MALRD1: variants seen among roughly 807,000 people sequenced by gnomAD.
The protein encoded by MALRD1 is MAM and LDL-receptor class A domain-containing protein 1.
Under a neutral mutation model 242.1 loss-of-function variants are expected in MALRD1, and 247 were observed. The observed-to-expected ratio is 1.02, with a 90% CI of 0.92 to 1.13. The LOEUF is 1.13. Among genes scored for constraint, MALRD1 ranks in the 50% most tolerant of loss-of-function variants. The pLI, the probability that MALRD1 is intolerant of heterozygous loss-of-function variation, is 0.00. For synonymous variants in MALRD1, 995 were observed against 866.6 expected, an observed-to-expected ratio of 1.15 and a Z score of -2.60; for missense variants, 2,989 against 2,533.1, an observed-to-expected ratio of 1.18 and a Z score of -3.86.
chr10:19,337,112 A>G (rs1176488931), intron 24 of MALRD1, among the ~76,000 whole-genome samples: 4 of 152,154 alleles, frequency 2.6e-5, no homozygotes, highest in Non-Finnish European at 5.9e-5. Context: ...AAACTTACAC[A>G]TATGTATATG....
intron 21 of MALRD1, among the ~76,000 whole-genome samples, chr10:19,319,070 G>A (rs573132263): frequency 2.6e-5 from 4 of 151,830 alleles, no homozygotes; most frequent in South Asian, 4.2e-4. Context: ...TTCATTTAAC[G>A]TGATACAAAT....
At chr10:19,145,116 G>A (rs574783232) in intron 10 of MALRD1, among the ~76,000 whole-genome samples, 5 of 152,250 alleles carry the variant, frequency 3.3e-5, no homozygotes, top group Admixed American at 6.5e-5. Context: ...TTAGGAAAAC[G>A]AAATTTAAGC....
rs35922631 is a variant in MALRD1, at chr10:19,190,658, ATTT to A, written c.1952-13055_1952-13053del. 9.9e-3 allele frequency among the ~76,000 whole-genome samples: 1,443 copies of A among 145,108 alleles called. 16 individuals carry two copies. Among genetic ancestry groups the A allele is most frequent in the African/African-American group, 0.031 (1,225 of 39,038 alleles). On this transcript the variant is annotated intron_variant, in intron 14 of 39. Transcript: ENST00000454679. The stretch of plus-strand genomic sequence containing the variant: ...AAACCCTCACATATATGAACAAGTG[ATTT>A]TTTTTTTTTTTTTTGGCAAAGGTAC...
intron 36 of MALRD1, among the ~76,000 whole-genome samples, chr10:19,638,470 C>T (rs572561514): frequency 1.3e-5 from 2 of 152,098 alleles, no homozygotes; most frequent in East Asian, 1.9e-4. Flanking sequence ...TTTAGAATTA[C>T]TAATTGAGTA....
At chr10:19,266,292 C>T (rs1839973817) in intron 19 of MALRD1, among the ~76,000 whole-genome samples, 1 of 151,596 alleles carries the variant, frequency 6.6e-6, no homozygotes, top group South Asian at 2.1e-4. Context: ...TCTTTTGTTT[C>T]TTTCTCTCTT....
intron 36 of MALRD1, among the ~76,000 whole-genome samples, chr10:19,623,354 T>C (rs1839492392): frequency 2.0e-5 from 3 of 152,104 alleles, no homozygotes; most frequent in Admixed American, 1.3e-4. Context: ...AAATTCATTT[T>C]AAAATATAGA....
chr10:19,424,423 G>C (rs193037127), intron 28 of MALRD1, among the ~76,000 whole-genome samples: 29 of 152,284 alleles, frequency 1.9e-4, no homozygotes, highest in African/African-American at 6.7e-4. Flanking sequence ...GCCTCCCAAA[G>C]TTCTGGGATC....
At chr10:19,719,189 T>TATATAC (rs1317498264) in intron 38 of MALRD1, among the ~76,000 whole-genome samples, 1 of 36,686 alleles carries the variant, frequency 2.7e-5, no homozygotes, top group African/African-American at 1.4e-4. Flanking sequence ...TATATATATA[T>TATATAC]ACATACATAT....
chr10:19,732,518 C>T (rs1230265810), intron 39 of MALRD1, among the ~76,000 whole-genome samples: 1 of 152,166 alleles, frequency 6.6e-6, no homozygotes, highest in African/African-American at 2.4e-5. Flanking sequence ...CTTCCTTGGC[C>T]TCCCAAAGTG....
chr10:19,123,333 G>A (rs1362372040), intron 5 of MALRD1, among the ~76,000 whole-genome samples, 159 bp from the exon 6 acceptor site: 1 of 152,014 alleles, frequency 6.6e-6, no homozygotes, highest in Non-Finnish European at 1.5e-5. Context: ...GTGAGAGAGA[G>A]AGAGAGAAAG....
At chr10:19,390,838 G>A (rs377144009) in intron 28 of MALRD1, among the ~76,000 whole-genome samples, 1 of 152,106 alleles carries the variant, frequency 6.6e-6, no homozygotes, top group Non-Finnish European at 1.5e-5. Context: ...CTATAATGAT[G>A]CAGAAAACTC....
intron 33 of MALRD1, among the ~76,000 whole-genome samples, chr10:19,581,217 AT>A: frequency 6.6e-6 from 1 of 151,502 alleles, no homozygotes; most frequent in Admixed American, 6.6e-5. Context: ...TTATTTATTT[AT>A]TTATTTATTT....
At chr10:19,101,955 T>C (rs926240008) in intron 4 of MALRD1, among the ~76,000 whole-genome samples, 6 of 128,348 alleles carry the variant, frequency 4.7e-5, no homozygotes, top group Non-Finnish European at 9.6e-5. Flanking sequence ...TATCTGTATC[T>C]ATATAATATA....
At chr10:19,667,088 G>A (rs1235867750) in intron 36 of MALRD1, among the ~76,000 whole-genome samples, 1 of 152,106 alleles carries the variant, frequency 6.6e-6, no homozygotes, top group Non-Finnish European at 1.5e-5. Context: ...AACTCCAGCT[G>A]CACCCCAGAA....
At chr10:19,615,805 C>A in intron 35 of MALRD1, 52 bp from the exon 36 acceptor site, 1 of 1,278,376 alleles carries the variant, frequency 7.8e-7, no homozygotes, top group East Asian at 2.6e-5. Context: ...TCTTCTTCTT[C>A]CTCCTAATAC....
At chr10:19,612,293 G>T (rs1410726565) in intron 35 of MALRD1, among the ~76,000 whole-genome samples, 1 of 151,844 alleles carries the variant, frequency 6.6e-6, no homozygotes, top group South Asian at 2.1e-4. Flanking sequence ...AGAGGAGCAT[G>T]CCCCCCAGTC....
intron 33 of MALRD1, among the ~76,000 whole-genome samples, chr10:19,585,999 T>G (rs1837374081): frequency 6.6e-6 from 1 of 152,214 alleles, no homozygotes; most frequent in East Asian, 1.9e-4. Context: ...CTGATACCCT[T>G]TCTTCCAGTT....
chr10:19,138,579 C>A (rs746227338), intron 10 of MALRD1, among the ~76,000 whole-genome samples: 3 of 151,932 alleles, frequency 2.0e-5, no homozygotes, highest in Non-Finnish European at 4.4e-5. Context: ...TGCCACCATA[C>A]CCAGATAATT....
At chr10:19,170,706 G>A (rs896637351) in intron 13 of MALRD1, among the ~76,000 whole-genome samples, 1 of 152,108 alleles carries the variant, frequency 6.6e-6, no homozygotes, top group African/African-American at 2.4e-5. Context: ...TTTCATTAGA[G>A]AGATGCAGGA....
Sources: allele counts gnomAD v4.1 joint callset (sites outside exome capture counted in the v4.1 genomes callset), GRCh38; gene constraint gnomAD v4.1.1; transcripts MANE v1.5; gene names NCBI Gene and HGNC (gene_info 2026-07-23, HGNC 2026-07-21).